Variants in CNTN4 observed in about 807,000 individuals in gnomAD.
CNTN4 encodes contactin-4.
Under a neutral mutation model 122.5 loss-of-function variants are expected in CNTN4, and 77 were observed. The observed-to-expected ratio is 0.63, with a 90% CI of 0.52 to 0.76. The LOEUF is 0.76. CNTN4 is among the 30% of genes least tolerant of loss of function. The pLI is 0.00. For synonymous variants in CNTN4, 512 were observed against 447.0 expected (o/e 1.15, Z -1.83); for missense variants, 1,256 against 1,259.1 (o/e 1.00, Z 0.04).
intron 13 of CNTN4, among the ~76,000 whole-genome samples, chr3:2,945,361 C>T (rs915761541): frequency 3.9e-5 from 6 of 152,282 alleles, no homozygotes; most frequent in Admixed American, 6.5e-5. Flanking sequence ...GGCAAGGGAA[C>T]GCAGTGTGAT....
chr3:2,294,844 C>G, intron 2 of CNTN4, among the ~76,000 whole-genome samples: 1 of 151,798 alleles, frequency 6.6e-6, no homozygotes, highest in East Asian at 2.0e-4. Flanking sequence ...AACCCCACAA[C>G]AGTCCCCGGT....
chr3:2,627,767 A>C (rs1434760493), intron 4 of CNTN4, among the ~76,000 whole-genome samples: 3 of 152,180 alleles, frequency 2.0e-5, no homozygotes, highest in Non-Finnish European at 1.5e-5. Context: ...TGCTGGGATT[A>C]CAGGCGTGAG....
At chr3:2,778,213 C>CAAATAAATAAATAAAT (rs60613605) in intron 6 of CNTN4, among the ~76,000 whole-genome samples, 585 of 118,864 alleles carry the variant, frequency 4.9e-3, no homozygotes, top group Middle Eastern at 8.5e-3. Flanking sequence ...GACTCCGTCT[C>CAAATAAATAAATAAAT]AAATAAATAA....
intron 2 of CNTN4, among the ~76,000 whole-genome samples, chr3:2,173,336 A>G (rs1036482982): frequency 1.3e-5 from 2 of 152,192 alleles, no homozygotes; most frequent in African/African-American, 4.8e-5. Context: ...GACATACAGA[A>G]TGGTGAGAAG....
At chr3:2,492,051 A>T (rs918141716) in intron 3 of CNTN4, among the ~76,000 whole-genome samples, 1 of 152,002 alleles carries the variant, frequency 6.6e-6, no homozygotes. Flanking sequence ...TGATTTATTT[A>T]AAAAAAATCT....
At chr3:2,117,594 C>G (rs982253948) in intron 2 of CNTN4, among the ~76,000 whole-genome samples, 6 of 152,196 alleles carry the variant, frequency 3.9e-5, no homozygotes, top group Non-Finnish European at 7.4e-5. Flanking sequence ...GACCAGCCCC[C>G]ATCCTGAAGC....
intron 3 of CNTN4, among the ~76,000 whole-genome samples, chr3:2,476,397 G>A (rs991372027): frequency 2.6e-5 from 4 of 152,186 alleles, no homozygotes; most frequent in African/African-American, 9.7e-5. Context: ...CTAATGTGCA[G>A]CATTCACCAC....
intron 3 of CNTN4, among the ~76,000 whole-genome samples, chr3:2,538,437 G>A (rs968233191): frequency 6.6e-6 from 1 of 151,866 alleles, no homozygotes; most frequent in African/African-American, 2.4e-5. Flanking sequence ...AATGCATTTT[G>A]GATATTCTTC....
chr3:2,429,358 G>C (rs769417063), intron 3 of CNTN4, among the ~76,000 whole-genome samples: 14 of 152,206 alleles, frequency 9.2e-5, no homozygotes, highest in South Asian at 4.1e-4. Context: ...TCCAGACCCT[G>C]TTTGCCTGAG....
At position 2,252,072 on chromosome 3, in the gene CNTN4, A is replaced by G. The variant is rs557392592; in HGVS notation, c.-144-87106A>G. Among the ~76,000 whole-genome samples, 10 of 152,082 alleles carry G rather than the reference A, an allele frequency of 6.6e-5. No homozygotes were observed. In the South Asian group the frequency reaches 1.4e-3, roughly 22 times the overall value. ...TGTAACCTGTGATGATTTCTGCTCAAACTCTACATTCACATTTATAGGAAT... is the reference window on the plus strand; with the variant it reads ...TGTAACCTGTGATGATTTCTGCTCAGACTCTACATTCACATTTATAGGAAT... On this transcript the variant is annotated intron_variant, in intron 2 of 24. Coordinates refer to ENST00000418658, the MANE Select transcript of CNTN4 (RefSeq NM_175607.3).
intron 2 of CNTN4, among the ~76,000 whole-genome samples, chr3:2,215,172 A>G (rs1182848266): frequency 6.6e-6 from 1 of 152,182 alleles, no homozygotes; most frequent in Admixed American, 6.5e-5. Context: ...ATGAGTTTAT[A>G]CTTTTGTTAC....
At chr3:2,196,836 G>C (rs927530763) in intron 2 of CNTN4, among the ~76,000 whole-genome samples, 2 of 151,970 alleles carry the variant, frequency 1.3e-5, no homozygotes, top group African/African-American at 4.8e-5. Flanking sequence ...TATGAGGTCG[G>C]AAGTTCGAGA....
intron 2 of CNTN4, among the ~76,000 whole-genome samples, chr3:2,186,405 G>T (rs9809479): frequency 2.6e-5 from 4 of 151,926 alleles, no homozygotes; most frequent in African/African-American, 9.7e-5. Context: ...GTGCATGTGT[G>T]TTTATAGCAG....
chr3:2,964,045 GTTC>G (rs1193830029), intron 13 of CNTN4, among the ~76,000 whole-genome samples: 1 of 152,100 alleles, frequency 6.6e-6, no homozygotes, highest in African/African-American at 2.4e-5. Flanking sequence ...CACATAGTAG[GTTC>G]TTATTACAAA....
intron 4 of CNTN4, among the ~76,000 whole-genome samples, chr3:2,699,565 T>G (rs917480619): frequency 2.0e-5 from 3 of 152,202 alleles, no homozygotes; most frequent in Non-Finnish European, 4.4e-5. Flanking sequence ...AATAACTCAG[T>G]TGCCCTCAGA....
intron 3 of CNTN4, among the ~76,000 whole-genome samples, chr3:2,406,079 G>T (rs564646610): frequency 2.0e-5 from 3 of 151,744 alleles, no homozygotes; most frequent in Non-Finnish European, 4.4e-5. Flanking sequence ...GGTAATAATT[G>T]TTGCAGATGA....
At chr3:2,771,599 A>G (rs1443005499) in intron 6 of CNTN4, among the ~76,000 whole-genome samples, 3 of 152,332 alleles carry the variant, frequency 2.0e-5, no homozygotes, top group South Asian at 2.1e-4. Context: ...GTATGTTGAC[A>G]TATTTTCTTC....
At chr3:2,272,814 T>TC (rs2041353920) in intron 2 of CNTN4, among the ~76,000 whole-genome samples, 1 of 104,468 alleles carries the variant, frequency 9.6e-6, no homozygotes, top group Non-Finnish European at 2.2e-5. Context: ...CAGAGCCTTT[T>TC]TTTTTTTATT....
chr3:2,680,967 C>G (rs935687690), intron 4 of CNTN4, among the ~76,000 whole-genome samples: 13 of 152,108 alleles, frequency 8.5e-5, no homozygotes, highest in Non-Finnish European at 1.9e-4. Flanking sequence ...CAGATTTAAA[C>G]TTGGATATGT....
Sources: gnomAD v4.1 joint callset for allele counts (sites outside exome capture counted in the v4.1 genomes callset) on GRCh38, gnomAD v4.1.1 for gene constraint, MANE v1.5 for transcripts, NCBI Gene and HGNC (gene_info 2026-07-23, HGNC 2026-07-21) for gene names.